The following IGF2BP2 variants were observed in gnomAD, a reference collection of about 807,000 sequenced individuals.
IGF2BP2 encodes insulin-like growth factor 2 mRNA-binding protein 2.
IGF2BP2 carries 17 observed loss-of-function variants against 75.8 expected under a neutral mutation model. The ratio of observed to expected loss-of-function variants is 0.22; its 90% CI spans 0.15 to 0.34. The LOEUF (loss-of-function observed/expected upper bound fraction) is 0.34, where lower values mean the gene tolerates loss of function less well. Ranked by LOEUF, IGF2BP2 falls within the 10% of genes least tolerant of loss-of-function variation. The probability of loss-of-function intolerance (pLI) is 1.00; values close to 1 mark genes in which losing one functional copy is unlikely to be tolerated. For missense variants in IGF2BP2, 516 were observed against 772.4 expected, an observed-to-expected ratio of 0.67 and a Z score of 3.93; for synonymous variants, 288 against 295.6, an observed-to-expected ratio of 0.97 and a Z score of 0.26.
At chr3:185,694,063 G>A (rs2149341174) in intron 4 of IGF2BP2, among the ~76,000 whole-genome samples, 1 of 152,272 alleles carries the variant, frequency 6.6e-6, no homozygotes, top group South Asian at 2.1e-4. Flanking sequence ...GCCTTTATGG[G>A]TTGCAGGGAG....
intron 5 of IGF2BP2, among the ~76,000 whole-genome samples, chr3:185,691,456 G>C (rs1258965080): frequency 6.6e-6 from 1 of 152,132 alleles, no homozygotes; most frequent in Non-Finnish European, 1.5e-5. Context: ...GTATGAAAAT[G>C]GGTTAAATAT....
chr3:185,721,877 C>T lies in IGF2BP2; in HGVS notation c.240-23530G>A, dbSNP rs140844968. Among the ~76,000 whole-genome samples, 9 of 152,158 alleles carry T rather than the reference C, an allele frequency of 5.9e-5. No individual in the cohort carries two copies. In the East Asian group the frequency reaches 1.7e-3, roughly 29 times the overall value. On this transcript the variant is annotated intron_variant, in intron 2 of 15. Coordinates refer to ENST00000382199, the MANE Select transcript of IGF2BP2 (RefSeq NM_006548.6). ...TGAAAAGAAGTCTCTTTCAGCAAGT[C>T]AGGGCAGTGTTTTCTGTTTATGAGG...
chr3:185,786,952 G>A (rs777262844), intron 2 of IGF2BP2, among the ~76,000 whole-genome samples: 49 of 152,006 alleles, frequency 3.2e-4, no homozygotes, highest in African/African-American at 6.5e-4. Flanking sequence ...ACAACCTTTC[G>A]AAATGTAAAA....
At chr3:185,696,711 T>C (rs1237305106) in intron 3 of IGF2BP2, 48 bp from the exon 4 acceptor site, 1 of 1,442,644 alleles carries the variant, frequency 6.9e-7, no homozygotes, top group Admixed American at 1.7e-5. Flanking sequence ...AGATCATATG[T>C]ACAAAAAATA....
At chr3:185,692,236 A>G (rs567418794) in intron 5 of IGF2BP2, among the ~76,000 whole-genome samples, 130 of 152,334 alleles carry the variant, frequency 8.5e-4, no homozygotes, top group African/African-American at 3.1e-3. Flanking sequence ...AATGTTACAC[A>G]CACAAAATTG....
At chr3:185,707,954 A>T (rs1724283477) in intron 2 of IGF2BP2, among the ~76,000 whole-genome samples, 1 of 152,156 alleles carries the variant, frequency 6.6e-6, no homozygotes, top group African/African-American at 2.4e-5. Context: ...AATTTATTTT[A>T]TTTGATGAAG....
intron 2 of IGF2BP2, among the ~76,000 whole-genome samples, chr3:185,741,469 C>G (rs1729546725): frequency 6.6e-6 from 1 of 152,114 alleles, no homozygotes; most frequent in Non-Finnish European, 1.5e-5. Flanking sequence ...GCTAATTTGA[C>G]CAATAGACAC....
At chr3:185,716,426 T>A (rs753745434) in intron 2 of IGF2BP2, 12 of 506,324 alleles carry the variant, frequency 2.4e-5, no homozygotes, top group Admixed American at 4.1e-5. Context: ...TTCCCCTCCC[T>A]CTTTCCATAT....
chr3:185,675,454 A>T, intron 8 of IGF2BP2, 23 bp from the exon 9 acceptor site: 1 of 1,588,190 alleles, frequency 6.3e-7, no homozygotes, highest in Non-Finnish European at 8.5e-7. Flanking sequence ...AAGAAAAGAG[A>T]AATTTTGTTT....
intron 2 of IGF2BP2, among the ~76,000 whole-genome samples, chr3:185,764,514 A>G (rs766794190): frequency 3.3e-5 from 5 of 152,156 alleles, no homozygotes; most frequent in Non-Finnish European, 5.9e-5. Flanking sequence ...GAAACAGACA[A>G]GAAGCCCTTG....
At chr3:185,678,814 G>C (rs1337009004) in intron 7 of IGF2BP2, among the ~76,000 whole-genome samples, 1 of 152,132 alleles carries the variant, frequency 6.6e-6, no homozygotes, top group African/African-American at 2.4e-5. Flanking sequence ...CTGAGGTTTG[G>C]TGTGTACATA....
At position 185,649,424 on chromosome 3, in the gene IGF2BP2, C is replaced by T; in HGVS notation, c.1572G>A (p.Val524=). The change falls in exon 14 of 16, where the codon GTG becomes GTA. Residue 524 remains valine (V), a synonymous_variant. Transcript: ENST00000382199. ...TTACGGTCTTGCCACCTTTGCCAAT[C>T]ACCCGGCCAGCTGTGGAAGAGGGCA... ...IRVPSSTAGR[V]IGKGGKTVNE... is the part of the protein sequence containing the mutation. The T allele has an allele frequency of 6.2e-7, 1 of 1,613,756 alleles. No individual in the cohort carries two copies. The highest frequency in any genetic ancestry group is 8.5e-7 in the Non-Finnish European group (1 of 1,179,974).
At chr3:185,813,438 G>A (rs3937649) in intron 2 of IGF2BP2, among the ~76,000 whole-genome samples, 7 of 152,126 alleles carry the variant, frequency 4.6e-5, no homozygotes, top group Non-Finnish European at 1.0e-4. Context: ...TACAAATTCA[G>A]TGTCCATGAC....
chr3:185,800,718 A>AAAAAG lies in IGF2BP2; in HGVS notation c.239+22434_239+22435insCTTTT, dbSNP rs771868332. 6.8e-4 allele frequency among the ~76,000 whole-genome samples: 98 copies of AAAAAG among 143,396 alleles called. 2 individuals are homozygous for AAAAAG. The highest frequency in any genetic ancestry group is 2.1e-3 in the South Asian group (9 of 4,264). 94.1% of individuals were successfully genotyped at this position (143,396 alleles called of 152,430 possible). A position where few individuals can be genotyped will look rare whatever the true frequency, so the allele number is the denominator to read the frequency against. On this transcript the variant is annotated intron_variant, in intron 2 of 15. Coordinates refer to ENST00000382199, the MANE Select transcript of IGF2BP2 (RefSeq NM_006548.6). ...TGCCACTTGGTGACTGAGCCAAAAAAAAAGAAAGAAAGAAAGAAAGAAAGT... is the reference window on the plus strand; with the variant it reads ...TGCCACTTGGTGACTGAGCCAAAAAAAAAAGAAAGAAAGAAAGAAAGAAAGAAAGT...
intron 2 of IGF2BP2, among the ~76,000 whole-genome samples, chr3:185,787,291 G>A (rs982075340): frequency 6.6e-5 from 10 of 151,822 alleles, no homozygotes; most frequent in African/African-American, 2.4e-4. Flanking sequence ...TGGTAAAGGC[G>A]ATGTTATATG....
rs192443846 is a variant in IGF2BP2 at position 185,698,867 on chromosome 3, T to G, written c.240-520A>C. On this transcript the variant is annotated intron_variant, in intron 2 of 15. Transcript: ENST00000382199. Reference sequence around the variant, plus strand: ...TCTCACTCTGTCATCCAGGCTGGAGTGCAGTGGTGTGACCTTGGCGCACTG... The same window carrying G: ...TCTCACTCTGTCATCCAGGCTGGAGGGCAGTGGTGTGACCTTGGCGCACTG... 3.1e-4 allele frequency among the ~76,000 whole-genome samples: 47 copies of G among 151,566 alleles called. No homozygotes were observed. In the East Asian group the frequency reaches 9.0e-3, roughly 29 times the overall value.
At chr3:185,678,418 C>T (rs1719873997) in intron 7 of IGF2BP2, among the ~76,000 whole-genome samples, 1 of 152,148 alleles carries the variant, frequency 6.6e-6, no homozygotes, top group South Asian at 2.1e-4. Context: ...ACTTTATTAC[C>T]ACTTGACAAG....
intron 2 of IGF2BP2, among the ~76,000 whole-genome samples, chr3:185,817,530 C>T (rs1740769015): frequency 6.6e-6 from 1 of 152,100 alleles, no homozygotes; most frequent in Non-Finnish European, 1.5e-5. Context: ...AGTCCATGAT[C>T]AAAACAGGAA....
At chr3:185,666,127 A>G (rs1717585475) in intron 10 of IGF2BP2, among the ~76,000 whole-genome samples, 1 of 152,228 alleles carries the variant, frequency 6.6e-6, no homozygotes, top group Non-Finnish European at 1.5e-5. Flanking sequence ...GGACACTTTC[A>G]GATACAGAAA....
Sources: gnomAD v4.1 joint callset for allele counts (sites outside exome capture counted in the v4.1 genomes callset) on GRCh38, gnomAD v4.1.1 for gene constraint, MANE v1.5 for transcripts, NCBI Gene and HGNC (gene_info 2026-07-23, HGNC 2026-07-21) for gene names.